Variants in HEG1 observed in about 807,000 individuals in gnomAD.
HEG1 encodes protein HEG homolog 1.
In HEG1, 56 loss-of-function variants were observed where a neutral mutation model predicts 125.6. The ratio of observed to expected loss-of-function variants is 0.45; its 90% CI spans 0.36 to 0.56. The LOEUF (loss-of-function observed/expected upper bound fraction) is 0.56, where lower values mean the gene tolerates loss of function less well. Ranked by LOEUF, HEG1 falls within the 20% of genes least tolerant of loss-of-function variation. The pLI is 0.00. For synonymous variants in HEG1, 644 were observed against 668.5 expected (o/e 0.96, Z 0.57); for missense variants, 1,523 against 1,670.0 (o/e 0.91, Z 1.53).
At chr3:125,001,730 C>T (rs1360680363) in intron 11 of HEG1, 122 bp downstream of exon 11, 1 of 1,044,988 alleles carries the variant, frequency 9.6e-7, no homozygotes, top group East Asian at 2.6e-5. Flanking sequence ...ACTTAACACC[C>T]ATGCCAAAAA....
chr3:124,980,954 A>G (rs1329594796), intron 14 of HEG1, among the ~76,000 whole-genome samples: 1 of 151,918 alleles, frequency 6.6e-6, no homozygotes, highest in Admixed American at 6.6e-5. Flanking sequence ...TCCTGGGCTC[A>G]AGCAATCCTT....
At chr3:124,977,041 G>T (rs1230038493) in intron 15 of HEG1, among the ~76,000 whole-genome samples, 1 of 151,974 alleles carries the variant, frequency 6.6e-6, no homozygotes, top group Non-Finnish European at 1.5e-5. Flanking sequence ...GTTGAATCAT[G>T]GGGGTGGGTC....
At chr3:125,047,094 G>A (rs150553338) in intron 1 of HEG1, among the ~76,000 whole-genome samples, 15 of 152,396 alleles carry the variant, frequency 9.8e-5, no homozygotes, top group African/African-American at 3.6e-4. Context: ...AGAAGCAAGA[G>A]AGAGTTCTAG....
intron 16 of HEG1, 109 bp from the exon 17 acceptor site, chr3:124,970,910 T>A: frequency 3.3e-6 from 3 of 920,838 alleles, no homozygotes; most frequent in Non-Finnish European, 5.0e-6. Context: ...TCTGGGTTTA[T>A]CCTGTATGAT....
chr3:125,031,572 G>A (rs79855816), intron 1 of HEG1, among the ~76,000 whole-genome samples: 6 of 152,070 alleles, frequency 3.9e-5, no homozygotes, highest in Admixed American at 1.3e-4. Flanking sequence ...GAATCACTTC[G>A]ATTTATATGA....
chr3:125,043,193 T>A (rs1427606601), intron 1 of HEG1, among the ~76,000 whole-genome samples: 1 of 152,256 alleles, frequency 6.6e-6, no homozygotes, highest in Non-Finnish European at 1.5e-5. Flanking sequence ...GGGTCGGCTC[T>A]TGTTCAGCTG....
intron 1 of HEG1, among the ~76,000 whole-genome samples, chr3:125,052,760 G>A (rs367587024): frequency 3.3e-5 from 5 of 152,302 alleles, no homozygotes; most frequent in South Asian, 2.1e-4. Flanking sequence ...GCAGGGTGAC[G>A]GGTGGGTGCA....
chr3:124,990,143 G>A (rs974976804), intron 14 of HEG1, among the ~76,000 whole-genome samples: 2 of 151,856 alleles, frequency 1.3e-5, no homozygotes, highest in Non-Finnish European at 2.9e-5. Context: ...AAGTACTGTC[G>A]AGTGTCCTCT....
chr3:125,013,254 A>G lies in HEG1; in HGVS notation c.2325T>C (p.Thr775=), dbSNP rs187307236. Residue 775 remains threonine, a synonymous_variant, in exon 6 of 17, where the codon ACT becomes ACC. Coordinates refer to ENST00000311127, the MANE Select transcript of HEG1 (RefSeq NM_020733.2). The part of the protein sequence containing the change: ...SFMTMLHSSQ[T]ADLKSQSTPH... ...GGGTGCTCTGGCTCTTAAGGTCTGC[A>G]GTTTGACTACTATGGAGCATTGTCA... 6.2e-3 allele frequency: 10,055 copies of G among 1,613,992 alleles called. 55 individuals carry two copies. The highest frequency in any genetic ancestry group is 0.014 in the South Asian group (1,255 of 91,082).
In HEG1 at chr3:125,019,480, T is replaced by C. The variant is rs1009648940; in HGVS notation, c.1370A>G (p.His457Arg). ...TGTTGTGCTGTTGGTCAAGAGCCAG[T>C]GTGCAGTGATCTCTCCACCTCTCAT... ...APMRGGEITA[H>R]WLLTNSTTSA... The change falls in exon 5 of 17, where the codon CAC (histidine) becomes CGC (arginine). Residue 457 changes from histidine to arginine, a missense_variant. Transcript: ENST00000311127. 2 of 1,614,022 alleles carry C rather than the reference T, an allele frequency of 1.2e-6. No homozygotes were observed. The highest frequency in any genetic ancestry group is 1.7e-6 in the Non-Finnish European group (2 of 1,179,892).
intron 2 of HEG1, 136 bp downstream of exon 2, chr3:125,029,059 C>A: frequency 1.2e-6 from 1 of 861,358 alleles, no homozygotes; most frequent in Non-Finnish European, 1.8e-6. Flanking sequence ...GCCTAAGTCA[C>A]AGGTCTGACC....
intron 5 of HEG1, among the ~76,000 whole-genome samples, chr3:125,015,957 G>T (rs1937240553): frequency 6.6e-6 from 1 of 152,180 alleles, no homozygotes; most frequent in Admixed American, 6.5e-5. Flanking sequence ...ACAGAGACAG[G>T]AATGAGCACG....
chr3:125,014,716 C>T lies in HEG1; in HGVS notation c.1589-726G>A, dbSNP rs1296018800. On this transcript the variant is annotated intron_variant, in intron 5 of 16. Transcript: ENST00000311127. ...GAGACTGTGGAAGACACCCCACCTC[C>T]GAGTGCACTGGAGGCGGCCAGTGAC... 20 of 1,265,034 alleles carry T rather than the reference C, an allele frequency of 1.6e-5. No homozygotes were observed. The South Asian group carries it at 1.8e-4, about 12-fold the overall frequency. The allele number at this position is 1,265,034 out of a possible 1,614,324, so 78.4% of individuals were successfully genotyped here. A position where few individuals can be genotyped will look rare whatever the true frequency, so the allele number is the denominator to read the frequency against.
intron 12 of HEG1, among the ~76,000 whole-genome samples, chr3:124,993,642 C>T (rs979791425): frequency 7.9e-5 from 12 of 152,190 alleles, no homozygotes; most frequent in African/African-American, 2.7e-4. Context: ...CCACCCATCT[C>T]GGCACTGAGG....
chr3:125,052,664 C>T (rs1293039004), intron 1 of HEG1, among the ~76,000 whole-genome samples: 1 of 152,166 alleles, frequency 6.6e-6, no homozygotes, highest in African/African-American at 2.4e-5. Flanking sequence ...GGTAGAAAAA[C>T]ACACGCAGAA....
rs1937210261 is a variant in HEG1, at chr3:125,014,400, C to T, written c.1589-410G>A. On this transcript the variant is annotated intron_variant, in intron 5 of 16. Coordinates refer to ENST00000311127, the MANE Select transcript of HEG1 (RefSeq NM_020733.2). ...AATGAAAAAAGGAAAATCTTCCCAA[C>T]TTTCCATTCTATAGAATGAGATATT... Among the ~76,000 whole-genome samples, 4 of 152,294 alleles carry T rather than the reference C, an allele frequency of 2.6e-5. 1 individual carries two copies. The highest frequency in any genetic ancestry group is 7.2e-5 in the African/African-American group (3 of 41,548).
chr3:124,971,505 T>G (rs983893502), intron 16 of HEG1, among the ~76,000 whole-genome samples: 1 of 152,066 alleles, frequency 6.6e-6, no homozygotes, highest in East Asian at 1.9e-4. Context: ...TTTTTCTTTC[T>G]TTTTTTAGAT....
chr3:125,022,274 G>C (rs1393642078), intron 3 of HEG1, among the ~76,000 whole-genome samples: 1 of 152,136 alleles, frequency 6.6e-6, no homozygotes, highest in Non-Finnish European at 1.5e-5. Flanking sequence ...AAAAGGCTTT[G>C]AGCTGTTAAT....
chr3:125,002,858 A>G (rs1420417606), intron 9 of HEG1, among the ~76,000 whole-genome samples: 1 of 152,166 alleles, frequency 6.6e-6, no homozygotes, highest in Non-Finnish European at 1.5e-5. Flanking sequence ...TACTCTCCCT[A>G]TGTTTGCCTT....
Sources: gnomAD v4.1 joint callset for allele counts (sites outside exome capture counted in the v4.1 genomes callset) on GRCh38, gnomAD v4.1.1 for gene constraint, MANE v1.5 for transcripts, NCBI Gene and HGNC (gene_info 2026-07-23, HGNC 2026-07-21) for gene names.